Variants in ZFP64 observed in about 807,000 individuals in gnomAD.
ZFP64 encodes zinc finger protein 64.
In ZFP64, 14 loss-of-function variants were observed where a neutral mutation model predicts 51.6. That is an observed-to-expected ratio of 0.27 (90% CI 0.18 to 0.42). The LOEUF is 0.42. ZFP64 is among the 10% of genes least tolerant of loss of function. ZFP64 has a pLI of 1.00. For synonymous variants in ZFP64, 375 were observed against 361.4 expected (o/e 1.04, Z -0.43); for missense variants, 754 against 906.8 (o/e 0.83, Z 2.16).
intron 5 of ZFP64, among the ~76,000 whole-genome samples, chr20:52,157,637 T>C (rs989686081): frequency 6.6e-6 from 1 of 152,230 alleles, no homozygotes; most frequent in African/African-American, 2.4e-5. Context: ...GACCAGGGAC[T>C]GACAAATGCC....
chr20:52,110,703 G>A, intron 5 of ZFP64: 2 of 1,572,558 alleles, frequency 1.3e-6, no homozygotes, highest in Non-Finnish European at 1.7e-6. Flanking sequence ...CCTTCAGCCA[G>A]CGCTGGATGG....
intron 2 of ZFP64, among the ~76,000 whole-genome samples, chr20:52,177,860 G>A (rs753701704): frequency 1.3e-5 from 2 of 151,880 alleles, no homozygotes; most frequent in Admixed American, 6.6e-5. Flanking sequence ...GTGAAACCCC[G>A]TCACTACTAA....
chr20:52,144,839 T>C (rs1980446876), intron 5 of ZFP64, among the ~76,000 whole-genome samples: 1 of 152,024 alleles, frequency 6.6e-6, no homozygotes. Context: ...AATGGAATCA[T>C]AGGGCCACGT....
In ZFP64 at chr20:52,191,598, C is replaced by A. The variant is rs139412794; in HGVS notation, c.39G>T (p.Ser13=). 3.8e-6 allele frequency: 6 copies of A among 1,589,148 alleles called. No homozygotes were observed. The African/African-American group carries it at 4.1e-5, about 11-fold the overall frequency. Residue 13 remains serine (S), a synonymous_variant, in exon 1 of 6, where the codon TCG becomes TCT. Coordinates refer to ENST00000216923, the MANE Select transcript of ZFP64 (RefSeq NM_018197.3). This position sits in a 1 kb window ranked among gnomAD's most constrained non-coding sequence, Gnocchi z 4.3. ...ASSEGESFAG[S]VQIPGGTTVL... is the part of the protein sequence containing the mutation. ...TCCCGGAAAAGCACTTACTTTGCAC[C>A]GAGCCCGCGAAGCTCTCGCCCTCGC... is the stretch of plus-strand genomic sequence containing the variant.
chr20:52,168,736 C>A (rs1220885635), intron 2 of ZFP64, among the ~76,000 whole-genome samples: 1 of 152,210 alleles, frequency 6.6e-6, no homozygotes, highest in South Asian at 2.1e-4. Context: ...TCATTAATAT[C>A]AGATTTACCC....
intron 5 of ZFP64, among the ~76,000 whole-genome samples, chr20:52,108,861 A>AACACACACACACACAC (rs57127987): frequency 1.4e-5 from 2 of 139,662 alleles, no homozygotes; most frequent in Non-Finnish European, 3.1e-5. Context: ...GAAAATCTGA[A>AACACACACACACACAC]ACACACACAC....
At chr20:52,143,894 A>T (rs907088135) in intron 5 of ZFP64, among the ~76,000 whole-genome samples, 1 of 142,798 alleles carries the variant, frequency 7.0e-6, no homozygotes, top group African/African-American at 2.5e-5. Context: ...TGTTGCAAAT[A>T]ACTCATCCAC....
chr20:52,092,940 A>G (rs1403814792), intron 7 of ZFP64, among the ~76,000 whole-genome samples: 4 of 152,170 alleles, frequency 2.6e-5, no homozygotes, highest in African/African-American at 9.7e-5. Context: ...TAAATTGTTT[A>G]TTGTTCGCAA....
intron 5 of ZFP64, among the ~76,000 whole-genome samples, chr20:52,142,384 A>ACACACACGCG (rs1555804633): frequency 2.7e-4 from 28 of 104,776 alleles, no homozygotes; most frequent in Non-Finnish European, 3.6e-4. Flanking sequence ...ACAGACACAC[A>ACACACACGCG]CACACACACA....
chr20:52,150,118 T>C (rs1980719007), downstream of ZFP64, among the ~76,000 whole-genome samples: 2 of 150,128 alleles, frequency 1.3e-5, no homozygotes, highest in Non-Finnish European at 3.0e-5. Flanking sequence ...GGCAGGAGAA[T>C]GGTGTGAACC....
chr20:52,085,218 C>G lies in ZFP64; in HGVS notation c.1277G>C (p.Ser426Thr). Residue 426 changes from serine (S) to threonine (T), a missense_variant, in exon 9 of 9, where the codon AGC (serine) becomes ACC (threonine). Physicochemically the swap from Ser to Thr is moderately conservative, Grantham distance 58 (BLOSUM62 1). Coordinates refer to the ZFP64 transcript ENST00000361387. The surrounding 1 kb of genome is among the most constrained non-coding windows in gnomAD (Gnocchi z 4.3). Reference sequence around the variant, plus strand: ...GATCATGTGCCTTTTCAAGTCCGAGCTGATTTTGAACTTGGCGCTACAGAG... The same window carrying G: ...GATCATGTGCCTTTTCAAGTCCGAGGTGATTTTGAACTTGGCGCTACAGAG... The G allele has an allele frequency of 1.9e-6, 3 of 1,614,190 alleles. No individual in the cohort carries two copies. Among genetic ancestry groups the G allele is most frequent in the Non-Finnish European group, 2.5e-6 (3 of 1,180,020 alleles).
chr20:52,104,886 C>A (rs1181802157), intron 5 of ZFP64: 2 of 672,470 alleles, frequency 3.0e-6, no homozygotes, highest in African/African-American at 1.8e-5. Flanking sequence ...GAGGCAAACT[C>A]GTTGACTAGC....
At position 52,084,513 on chromosome 20, in the gene ZFP64, C is replaced by A. The variant is rs749478620; in HGVS notation, c.*44G>T. The A allele has an allele frequency of 7.7e-6, 12 of 1,563,112 alleles. No individual in the cohort carries two copies. The South Asian group carries it at 1.4e-4, about 19-fold the overall frequency. ...TCACCTCTGGAGGGCTGGGCAACAG[C>A]ACTGGTCAGAAGTTCCGACAGCTGA... On this transcript the variant is annotated 3_prime_UTR_variant, in exon 9 of 9. Transcript: ENST00000361387.
intron 5 of ZFP64, among the ~76,000 whole-genome samples, chr20:52,101,498 T>G (rs949858400): frequency 6.6e-6 from 1 of 152,200 alleles, no homozygotes; most frequent in Non-Finnish European, 1.5e-5. Flanking sequence ...GCCTCCCGAA[T>G]AGCTGGGACC....
At chr20:52,096,155 G>A (rs900843477) in intron 7 of ZFP64, among the ~76,000 whole-genome samples, 3 of 152,170 alleles carry the variant, frequency 2.0e-5, no homozygotes, top group South Asian at 2.1e-4. Context: ...CTCAGTGAAG[G>A]GGCTCCAGAG....
At chr20:52,089,201 A>G (rs2078896445) in intron 7 of ZFP64, 2 of 267,124 alleles carry the variant, frequency 7.5e-6, no homozygotes, top group Non-Finnish European at 7.4e-6. Context: ...CAGGCTGATC[A>G]TATCCAAATA....
At chr20:52,107,153 G>T (rs1978328313) in intron 5 of ZFP64, among the ~76,000 whole-genome samples, 1 of 152,120 alleles carries the variant, frequency 6.6e-6, no homozygotes, top group African/African-American at 2.4e-5. Context: ...GAGGAGACTG[G>T]ATAAACAGTG....
Position 52,106,729 on chromosome 20 carries a change from T to C in ZFP64, c.764-8142A>G, listed in dbSNP as rs74333285. On this transcript the variant is annotated intron_variant, in intron 5 of 8. Transcript: ENST00000361387. ...GGTTAAATTTCCGAGACTTAAACTT[T>C]TTAAAAAACACAACGCTTCAAGTCT... Among the ~76,000 whole-genome samples, 957 of 152,300 alleles carry C rather than the reference T, an allele frequency of 6.3e-3. 9 individuals are homozygous for C. The highest frequency in any genetic ancestry group is 0.022 in the African/African-American group (922 of 41,560).
At chr20:52,185,764 AGAGACAGG>A (rs1390269939) in intron 2 of ZFP64, among the ~76,000 whole-genome samples, 31 of 152,016 alleles carry the variant, frequency 2.0e-4, no homozygotes, top group African/African-American at 7.5e-4. Flanking sequence ...TATTTTTAGT[AGAGACAGG>A]GTTTTACCAT....
Sources: gnomAD v4.1 joint callset for allele counts (sites outside exome capture counted in the v4.1 genomes callset) on GRCh38, gnomAD v4.1.1 for gene constraint, Gnocchi (gnomAD v3.1) non-coding constraint, MANE v1.5 for transcripts, NCBI Gene and HGNC (gene_info 2026-07-23, HGNC 2026-07-21) for gene names.